The following ZFYVE26 variants were observed in gnomAD, a reference collection of about 807,000 sequenced individuals.
ZFYVE26 encodes the protein zinc finger FYVE domain-containing protein 26.
ZFYVE26 carries 181 observed loss-of-function variants against 276.5 expected under a neutral mutation model. The observed-to-expected ratio is 0.65, with a 90% CI of 0.58 to 0.74. The LOEUF (loss-of-function observed/expected upper bound fraction) is 0.74, where lower values mean the gene tolerates loss of function less well. ZFYVE26 is among the 30% of genes least tolerant of loss of function. The pLI is 0.00. For missense variants in ZFYVE26, 2,821 were observed against 3,097.9 expected (o/e 0.91, Z 2.12); for synonymous variants, 1,129 against 1,203.1 (o/e 0.94, Z 1.27).
rs369895257 is a variant in ZFYVE26, at chr14:67,789,615, G to T, written c.2756-17C>A. On this transcript the variant is annotated splice_polypyrimidine_tract_variant and intron_variant, in intron 15 of 41. Transcript: ENST00000347230. ...ACACCATTCCTGGCCGCCCAGCAGA[G>T]GAATAAAAAGCAAAGGGTTAAAAGG... is the stretch of plus-strand genomic sequence containing the variant. The T allele has an allele frequency of 6.2e-7, 1 of 1,613,768 alleles. No homozygotes were observed. The highest frequency in any genetic ancestry group is 1.3e-5 in the African/African-American group (1 of 74,888).
intron 27 of ZFYVE26, among the ~76,000 whole-genome samples, chr14:67,773,213 A>G (rs1404222666): frequency 1.3e-5 from 2 of 152,176 alleles, no homozygotes; most frequent in Non-Finnish European, 2.9e-5. Flanking sequence ...TGAAATATTT[A>G]TAAATGAAAT....
intron 10 of ZFYVE26, among the ~76,000 whole-genome samples, chr14:67,801,847 T>C (rs1244444504): frequency 6.6e-6 from 1 of 152,164 alleles, no homozygotes; most frequent in Non-Finnish European, 1.5e-5. Context: ...TAAAAAAGCG[T>C]TTGGAAAACA....
chr14:67,813,875 A>G, intron 3 of ZFYVE26, 111 bp downstream of exon 3: 11 of 792,748 alleles, frequency 1.4e-5, no homozygotes, highest in Non-Finnish European at 2.2e-5. Flanking sequence ...GAGAATGAGT[A>G]TGATGAATTT....
At position 67,793,689 on chromosome 14, in the gene ZFYVE26, T is replaced by C. The variant is rs748130525; in HGVS notation, c.2472A>G (p.Ser824=). 3 of 1,613,580 alleles carry C rather than the reference T, an allele frequency of 1.9e-6. No homozygotes were observed. The highest frequency in any genetic ancestry group is 2.5e-6 in the Non-Finnish European group (3 of 1,179,826). Residue 824 remains serine, a synonymous_variant, in exon 14 of 42, where the codon TCA becomes TCG. Transcript: ENST00000347230. The part of the protein sequence containing the change: ...HSRLHPHPQS[S]LIPMMFSPPE... ...GTGGGGAGAACATCATGGGGATGAG[T>C]GAACTTTGAGGATGGGGGTGCAATC...
In ZFYVE26 at chr14:67,786,107, A is replaced by C. The variant is rs2140227979; in HGVS notation, c.3139+7T>G. The C allele has an allele frequency of 6.2e-7, 1 of 1,614,152 alleles. No individual in the cohort carries two copies. Among genetic ancestry groups the C allele is most frequent in the Non-Finnish European group, 8.5e-7 (1 of 1,180,002 alleles). ...CCAGGAGAAGAAAAGAGAAAAAAGC[A>C]ACTCACCTGATTTGGTTTGACTGGC... On this transcript the variant is annotated splice_region_variant and intron_variant, in intron 17 of 41. Transcript: ENST00000347230.
chr14:67,762,543 C>G, intron 33 of ZFYVE26, 129 bp downstream of exon 33: 1 of 1,551,470 alleles, frequency 6.4e-7, no homozygotes, highest in Admixed American at 1.8e-5. Context: ...TGCTGGCAAA[C>G]TAGTCATGTC....
At chr14:67,762,845 A>G (rs370419377) in intron 32 of ZFYVE26, 26 bp from the exon 33 acceptor site, 1 of 1,612,798 alleles carries the variant, frequency 6.2e-7, no homozygotes, top group African/African-American at 1.3e-5. Flanking sequence ...GGGCAAGGCC[A>G]TGAGGCTCCC....
intron 35 of ZFYVE26, chr14:67,761,121 G>C (rs1291275159): frequency 4.6e-6 from 3 of 648,778 alleles, no homozygotes; most frequent in Non-Finnish European, 8.4e-6. Flanking sequence ...TGCATGTTTT[G>C]GCAGAAGGAA....
exon 14 of ZFYVE26, chr14:67,729,486 T>C: frequency 8.6e-7 from 1 of 1,167,134 alleles, no homozygotes. Flanking sequence ...GATGATGCAA[T>C]CCAGGTTTGG....
At chr14:67,754,407 A>T (rs975758206) in intron 37 of ZFYVE26, among the ~76,000 whole-genome samples, 195 bp from the exon 38 acceptor site, 2 of 152,370 alleles carry the variant, frequency 1.3e-5, no homozygotes, top group South Asian at 2.1e-4. Context: ...GCACAGACTC[A>T]CAATATTATG....
At chr14:67,732,687 C>A (rs959991876) in intron 13 of ZFYVE26, among the ~76,000 whole-genome samples, 1 of 152,150 alleles carries the variant, frequency 6.6e-6, no homozygotes, top group Non-Finnish European at 1.5e-5. Flanking sequence ...AGCCATTCTC[C>A]TGCATCAGCC....
intron 32 of ZFYVE26, among the ~76,000 whole-genome samples, chr14:67,765,542 C>T (rs555409108): frequency 6.6e-6 from 1 of 152,324 alleles, no homozygotes; most frequent in South Asian, 2.1e-4. Flanking sequence ...ATTATGCTCC[C>T]TTCTCCCAAA....
At chr14:67,795,288 A>C (rs192386025) in intron 12 of ZFYVE26, among the ~76,000 whole-genome samples, 1 of 152,226 alleles carries the variant, frequency 6.6e-6, no homozygotes, top group Non-Finnish European at 1.5e-5. Flanking sequence ...GGACTTAGCA[A>C]CGCAACCTTG....
intron 12 of ZFYVE26, chr14:67,796,075 G>A (rs2039945828): frequency 6.6e-6 from 1 of 152,180 alleles, no homozygotes; most frequent in African/African-American, 2.4e-5. Context: ...TAAATAATAG[G>A]AGGGAGAGAA....
chr14:67,785,090 T>C lies in ZFYVE26; in HGVS notation c.3492A>G (p.Ala1164=). 6.2e-7 allele frequency: 1 copy of C among 1,614,206 alleles called. No homozygotes were observed. Among genetic ancestry groups the C allele is most frequent in the Non-Finnish European group, 8.5e-7 (1 of 1,180,026 alleles). The stretch of plus-strand genomic sequence containing the variant: ...CAGAGCTCAAACTTTGAAGGAGAAC[T>C]GCAGCAAGGGTGCTGCAGTAACTGA... ...TFFSYCSTLA[A]VLLQSLSSEP... is the part of the protein sequence containing the mutation. Residue 1164 remains alanine, a synonymous_variant, in exon 19 of 42, where the codon GCA becomes GCG. Transcript: ENST00000347230.
chr14:67,795,709 G>T (rs991775227), intron 12 of ZFYVE26, among the ~76,000 whole-genome samples: 2 of 152,084 alleles, frequency 1.3e-5, no homozygotes, highest in Non-Finnish European at 2.9e-5. Context: ...CCTGCATAAT[G>T]CGCCTATATT....
intron 26 of ZFYVE26, 62 bp from the exon 27 acceptor site, chr14:67,775,176 C>A: frequency 8.5e-7 from 1 of 1,173,436 alleles, no homozygotes; most frequent in Non-Finnish European, 1.2e-6. Flanking sequence ...ATTCACCACC[C>A]TAGGCATTTA....
chr14:67,748,175 C>T lies in ZFYVE26; in HGVS notation c.*261G>A. The stretch of plus-strand genomic sequence containing the variant: ...ACATGCACACGTGTGTGCACACATA[C>T]TCACTCACTCACTCTGAGGTAGAAA... On this transcript the variant is annotated 3_prime_UTR_variant, in exon 42 of 42. Transcript: ENST00000347230. 1 of 539,980 alleles carries T rather than the reference C, an allele frequency of 1.9e-6. No homozygotes were observed. Among genetic ancestry groups the T allele is most frequent in the Non-Finnish European group, 3.4e-6 (1 of 298,108 alleles). 33.4% of individuals were successfully genotyped at this position (539,980 alleles called of 1,614,324 possible).
rs972737612 is a variant in ZFYVE26 at position 67,729,045 on chromosome 14, C to T, written n.3288+166G>A. 4.8e-6 allele frequency: 4 copies of T among 827,766 alleles called. No homozygotes were observed. In the African/African-American group the frequency reaches 5.0e-5, roughly 10 times the overall value. 51.3% of individuals were successfully genotyped at this position (827,766 alleles called of 1,614,324 possible). A position where few individuals can be genotyped will look rare whatever the true frequency, so the allele number is the denominator to read the frequency against. On this transcript the variant is annotated intron_variant and non_coding_transcript_variant, in intron 14 of 14. Transcript: ENST00000394455. Reference sequence around the variant, plus strand: ...GATCAATTCATTCCTGTTCAAATTCCGCCTGGCCAGGAGTGGTACCTGCTG... The same window carrying T: ...GATCAATTCATTCCTGTTCAAATTCTGCCTGGCCAGGAGTGGTACCTGCTG...
Sources: allele counts gnomAD v4.1 joint callset (sites outside exome capture counted in the v4.1 genomes callset), GRCh38; gene constraint gnomAD v4.1.1; transcripts MANE v1.5; gene names NCBI Gene and HGNC (gene_info 2026-07-23, HGNC 2026-07-21).